The following COL11A1 variants were observed in gnomAD, a reference collection of about 807,000 sequenced individuals.
COL11A1 encodes collagen type XI alpha 1 chain.
Under a neutral mutation model 265.2 loss-of-function variants are expected in COL11A1, and 74 were observed. That is an observed-to-expected ratio of 0.28 (90% CI 0.23 to 0.34). The LOEUF (loss-of-function observed/expected upper bound fraction) is 0.34. Among genes scored for constraint, COL11A1 ranks in the 10% least tolerant of loss-of-function variants. The pLI is 1.00. For synonymous variants in COL11A1, 816 were observed against 727.6 expected (o/e 1.12, Z -1.96); for missense variants, 2,165 against 2,263.6 (o/e 0.96, Z 0.88).
chr1:102,894,939 C>A (rs1036157064), intron 57 of COL11A1, among the ~76,000 whole-genome samples: 5 of 152,114 alleles, frequency 3.3e-5, no homozygotes, highest in African/African-American at 1.2e-4. Context: ...CCATGCCCAA[C>A]CCTTATGTGC....
chr1:102,975,265 T>TAAAAA (rs35123438), intron 35 of COL11A1, among the ~76,000 whole-genome samples: 2 of 136,292 alleles, frequency 1.5e-5, no homozygotes. Context: ...CAGCCCCGCT[T>TAAAAA]AAAAAAAAAA....
intron 4 of COL11A1, among the ~76,000 whole-genome samples, chr1:103,041,051 A>G (rs1668773673): frequency 6.6e-6 from 1 of 151,820 alleles, no homozygotes; most frequent in South Asian, 2.1e-4. Context: ...CTTTTATTTT[A>G]ACACTTAGAC....
Position 102,898,706 on chromosome 1 carries a change from T to C in COL11A1, c.4208A>G (p.Lys1403Arg). 6.2e-7 allele frequency: 1 copy of C among 1,612,898 alleles called. No individual in the cohort carries two copies. Residue 1403 changes from lysine (K) to arginine (R), a missense_variant, in exon 56 of 67, where the codon AAG becomes AGG. Physicochemically the swap from Lys to Arg is conservative, Grantham distance 26 (BLOSUM62 2). Transcript: ENST00000370096. The part of the protein sequence containing the change: ...GPVGPQGPAG[K>R]PGPEGLRGIP... ...GCCCCGAAGACCTTCTGGACCAGGC[T>C]TTCCTGCAGGTCCCTGAGGACCGAC...
rs74687046 is a variant in COL11A1, at chr1:102,881,415, A to G, written c.5040+282T>C. Reference sequence around the variant, plus strand: ...ATACCTGATATTTCTAACATAATCAATTTTTATGATGTCTATCTCAGGTAC... The same window carrying G: ...ATACCTGATATTTCTAACATAATCAGTTTTTATGATGTCTATCTCAGGTAC... On this transcript the variant is annotated intron_variant, in intron 65 of 66. Transcript: ENST00000370096. Among the ~76,000 whole-genome samples the G allele has an allele frequency of 8.8e-3, 1,334 of 152,222 alleles. 24 individuals carry two copies. Among genetic ancestry groups the G allele is most frequent in the African/African-American group, 0.03 (1,249 of 41,550 alleles).
rs180850693 is a variant in COL11A1 at position 103,047,493 on chromosome 1, G to C, written c.652-16249C>G. Among the ~76,000 whole-genome samples, 19 of 152,278 alleles carry C rather than the reference G, an allele frequency of 1.2e-4. 1 individual carries two copies. The highest frequency in any genetic ancestry group is 4.3e-4 in the African/African-American group (18 of 41,560). The stretch of plus-strand genomic sequence containing the variant: ...TGCTGAGGTTGCTTATCAGCTTAAG[G>C]AGATTTTGGGCTGAGACGATGGGGT... On this transcript the variant is annotated intron_variant, in intron 4 of 66. Coordinates refer to ENST00000370096, the MANE Select transcript of COL11A1 (RefSeq NM_001854.4).
At chr1:102,998,466 C>A in intron 24 of COL11A1, 103 bp from the exon 25 acceptor site, 5 of 709,640 alleles carry the variant, frequency 7.0e-6, no homozygotes, top group East Asian at 2.9e-5. Context: ...TCACTGGCTT[C>A]AATTCATAAG....
At position 102,879,893 on chromosome 1, in the gene COL11A1, T is replaced by G. The variant is rs1650016701; in HGVS notation, c.5064A>C (p.Gly1688=). Residue 1688 remains glycine, a synonymous_variant, in exon 66 of 67, where the codon GGA becomes GGC. Transcript: ENST00000370096. ...TCATTTGCACCATATTGATGGAATT[T>G]CCTTCAACATCTAAGTATGAAAGCT... is the stretch of plus-strand genomic sequence containing the variant. ...GKLLSYLDVE[G]NSINMVQMTF... is the part of the protein sequence containing the mutation. 1.9e-6 allele frequency: 3 copies of G among 1,612,998 alleles called. No homozygotes were observed. The highest frequency in any genetic ancestry group is 2.5e-6 in the Non-Finnish European group (3 of 1,179,084).
At chr1:103,073,846 A>T (rs1671767533) in intron 4 of COL11A1, among the ~76,000 whole-genome samples, 1 of 152,006 alleles carries the variant, frequency 6.6e-6, no homozygotes, top group Admixed American at 6.6e-5. Context: ...ATCAAAAAAT[A>T]TAGCAAATCT....
chr1:102,910,419 A>T (rs1654513555), intron 54 of COL11A1, among the ~76,000 whole-genome samples: 1 of 152,152 alleles, frequency 6.6e-6, no homozygotes, highest in Non-Finnish European at 1.5e-5. Context: ...TAGACTAGAT[A>T]GCACTTGCTG....
At position 102,889,502 on chromosome 1, in the gene COL11A1, G is replaced by A. The variant is rs1185917760; in HGVS notation, c.4417C>T (p.Arg1473Ter). Residue 1473 changes from arginine to a stop codon, truncating the protein, a stop_gained, in exon 59 of 67, where the codon CGA (arginine) becomes TGA (stop). Transcript: ENST00000370096. LOFTEE classifies it high-confidence loss of function. ...PPGEQGEKGD[R>*]GLPGTQGSPG... ...GATCCTTGAGTTCCAGGGAGCCCTC[G>A]GTCACCTTTTTCCCCTTGTTCTCCT... The A allele has an allele frequency of 1.9e-6, 3 of 1,612,900 alleles. No individual in the cohort carries two copies. The highest frequency in any genetic ancestry group is 2.5e-6 in the Non-Finnish European group (3 of 1,179,620).
intron 4 of COL11A1, among the ~76,000 whole-genome samples, chr1:103,035,959 A>G (rs942410860): frequency 5.3e-5 from 8 of 151,952 alleles, no homozygotes; most frequent in Non-Finnish European, 1.2e-4. Context: ...TGAACAATTC[A>G]GAACACTGAG....
chr1:103,002,899 A>C (rs924495296), intron 21 of COL11A1, 108 bp from the exon 22 acceptor site: 8 of 1,070,886 alleles, frequency 7.5e-6, no homozygotes, highest in Non-Finnish European at 1.1e-5. Context: ...AAGCAACTAA[A>C]AATCATTTTA....
At chr1:102,899,016 TA>T in intron 54 of COL11A1, 22 bp from the exon 55 acceptor site, 2 of 1,410,172 alleles carry the variant, frequency 1.4e-6, no homozygotes, top group South Asian at 1.4e-5. Context: ...AGATTTATTG[TA>T]AAATATGTAT....
At chr1:102,966,345 T>C (rs1431148882) in intron 37 of COL11A1, among the ~76,000 whole-genome samples, 2 of 152,106 alleles carry the variant, frequency 1.3e-5, no homozygotes, top group Non-Finnish European at 2.9e-5. Context: ...CTACAACATC[T>C]GGTCAGACTG....
Position 103,082,868 on chromosome 1 carries a change from C to T in COL11A1, c.211G>A (p.Asp71Asn), listed in dbSNP as rs1672522746. 6.2e-7 allele frequency: 1 copy of T among 1,613,664 alleles called. No individual in the cohort carries two copies. Among genetic ancestry groups the T allele is most frequent in the South Asian group, 1.1e-5 (1 of 91,064 alleles). The change falls in exon 2 of 67, where the codon GAT becomes AAT. Residue 71 changes from aspartate (D) to asparagine (N), a missense_variant. Coordinates refer to ENST00000370096, the MANE Select transcript of COL11A1 (RefSeq NM_001854.4). The stretch of plus-strand genomic sequence containing the variant: ...TGCTTTGAAACTCTGTAAGCAGTAT[C>T]TGAGCCTTTAGAATTCTTTCTGTTT... The part of the protein sequence containing the change: ...CTNRKNSKGS[D>N]TAYRVSKQAQ...
chr1:102,880,145 A>C (rs915796382), intron 65 of COL11A1: 1 of 495,768 alleles, frequency 2.0e-6, no homozygotes, highest in African/African-American at 1.9e-5. Flanking sequence ...TTATCTTTGA[A>C]AAAACCACTT....
At chr1:103,049,912 A>G (rs1488473386) in intron 4 of COL11A1, among the ~76,000 whole-genome samples, 2 of 152,198 alleles carry the variant, frequency 1.3e-5, no homozygotes, top group Non-Finnish European at 2.9e-5. Flanking sequence ...TTCTTTAAGA[A>G]TGTTGAATAT....
intron 4 of COL11A1, among the ~76,000 whole-genome samples, chr1:103,038,869 A>G (rs1228083616): frequency 1.3e-5 from 2 of 152,174 alleles, no homozygotes; most frequent in African/African-American, 4.8e-5. Context: ...AGTAAAAAAT[A>G]TATCTGTGAG....
chr1:103,088,973 C>T (rs561070156), intron 1 of COL11A1, among the ~76,000 whole-genome samples: 5 of 152,330 alleles, frequency 3.3e-5, no homozygotes, highest in African/African-American at 1.2e-4. Flanking sequence ...AAACTATCGA[C>T]TCGCCCATCC....
Sources: allele counts gnomAD v4.1 joint callset (sites outside exome capture counted in the v4.1 genomes callset), GRCh38; gene constraint gnomAD v4.1.1; transcripts MANE v1.5; gene names NCBI Gene and HGNC (gene_info 2026-07-23, HGNC 2026-07-21).